Variants in PTPRG observed in about 807,000 individuals in gnomAD.
PTPRG encodes the protein receptor-type tyrosine-protein phosphatase gamma.
In PTPRG, 102 loss-of-function variants were observed where a neutral mutation model predicts 165.3. The observed-to-expected ratio is 0.62, with a 90% CI of 0.53 to 0.73. The LOEUF (loss-of-function observed/expected upper bound fraction) is 0.73. PTPRG is among the 30% of genes least tolerant of loss of function. PTPRG has a pLI of 0.00. For missense variants in PTPRG, 1,866 were observed against 1,861.4 expected (o/e 1.00, Z -0.05); for synonymous variants, 675 against 669.5 (o/e 1.01, Z -0.13).
At chr3:61,889,620 G>A (rs2038152418) in intron 2 of PTPRG, among the ~76,000 whole-genome samples, 1 of 152,164 alleles carries the variant, frequency 6.6e-6, no homozygotes, top group Non-Finnish European at 1.5e-5. Flanking sequence ...GTATGCTTGA[G>A]TCGTTAGCTC....
chr3:62,058,048 C>CTA (rs1700687713), intron 4 of PTPRG, among the ~76,000 whole-genome samples: 1 of 152,218 alleles, frequency 6.6e-6, no homozygotes. Context: ...TTGAATAAAA[C>CTA]TATAACCCCT....
chr3:61,759,801 T>G (rs1443329633), intron 2 of PTPRG, among the ~76,000 whole-genome samples: 2 of 149,342 alleles, frequency 1.3e-5, no homozygotes, highest in African/African-American at 4.9e-5. Flanking sequence ...TTCTTGAGGT[T>G]TTTTTTTTTT....
At chr3:61,756,447 A>G (rs1195977229) in intron 2 of PTPRG, among the ~76,000 whole-genome samples, 1 of 152,238 alleles carries the variant, frequency 6.6e-6, no homozygotes, top group East Asian at 1.9e-4. Flanking sequence ...CAAAGGAGAA[A>G]AATGTGTTGC....
intron 1 of PTPRG, among the ~76,000 whole-genome samples, chr3:61,636,627 G>T (rs1214948833): frequency 6.6e-6 from 1 of 152,084 alleles, no homozygotes; most frequent in Non-Finnish European, 1.5e-5. Flanking sequence ...CAGCCTTGTT[G>T]TATCAATACT....
In PTPRG at chr3:62,168,474, T is replaced by G. The variant is rs114307002; in HGVS notation, c.1033+311T>G. 4.1e-3 allele frequency among the ~76,000 whole-genome samples: 627 copies of G among 152,324 alleles called. 3 individuals are homozygous for G. Among genetic ancestry groups the G allele is most frequent in the African/African-American group, 0.013 (537 of 41,572 alleles). ...AAAAGTGTCTTACTTTTTATGTGTTTCCCTGTTGATCAGGAGCTTATCTCT... is the reference window on the plus strand; with the variant it reads ...AAAAGTGTCTTACTTTTTATGTGTTGCCCTGTTGATCAGGAGCTTATCTCT... On this transcript the variant is annotated intron_variant, in intron 8 of 29. Transcript: ENST00000474889.
intron 15 of PTPRG, among the ~76,000 whole-genome samples, chr3:62,253,893 A>C (rs1701478020): frequency 6.6e-6 from 1 of 152,234 alleles, no homozygotes; most frequent in African/African-American, 2.4e-5. Context: ...TAACATTTCT[A>C]TGCTAAGCAA....
intron 4 of PTPRG, among the ~76,000 whole-genome samples, chr3:62,047,468 G>T (rs900216798): frequency 2.6e-5 from 4 of 152,004 alleles, no homozygotes; most frequent in Non-Finnish European, 2.9e-5. Context: ...CGCCATGTTG[G>T]CCAGGTTAGT....
chr3:62,196,524 C>A (rs116036880), intron 10 of PTPRG, among the ~76,000 whole-genome samples: 1 of 152,110 alleles, frequency 6.6e-6, no homozygotes, highest in Non-Finnish European at 1.5e-5. Flanking sequence ...GTCTTACTTG[C>A]GCCAACCTAA....
At chr3:61,764,565 T>C (rs1196807736) in intron 2 of PTPRG, among the ~76,000 whole-genome samples, 4 of 152,180 alleles carry the variant, frequency 2.6e-5, no homozygotes, top group Non-Finnish European at 4.4e-5. Flanking sequence ...GTTGTTATTT[T>C]AGCCTGGGAA....
intron 1 of PTPRG, among the ~76,000 whole-genome samples, chr3:61,647,513 G>C (rs189965585): frequency 6.6e-6 from 1 of 152,120 alleles, no homozygotes; most frequent in Non-Finnish European, 1.5e-5. Flanking sequence ...TCAATTGGCC[G>C]GGCACAGTGG....
chr3:62,075,279 C>T (rs377021868), intron 4 of PTPRG, among the ~76,000 whole-genome samples: 3 of 152,306 alleles, frequency 2.0e-5, no homozygotes, highest in African/African-American at 7.2e-5. Flanking sequence ...TTCTGTGAAC[C>T]TACTTAATTT....
chr3:62,136,269 G>A (rs938730779), intron 6 of PTPRG, among the ~76,000 whole-genome samples: 3 of 152,200 alleles, frequency 2.0e-5, no homozygotes, highest in Non-Finnish European at 4.4e-5. Context: ...GCTTGGTAGA[G>A]ATGTACAATT....
chr3:61,789,649 G>C (rs1480759053), intron 2 of PTPRG, among the ~76,000 whole-genome samples: 1 of 152,148 alleles, frequency 6.6e-6, no homozygotes, highest in East Asian at 1.9e-4. Context: ...TTCTTTCCAT[G>C]ACCTGATATA....
In PTPRG at chr3:62,224,694, T is replaced by TC. The variant is rs1700722501; in HGVS notation, c.2288+5712dup. ...AAACTAAAAACCATGAGCAGAAACC[T>TC]CGGATACCTGTATGTCTGAGAGACC... On this transcript the variant is annotated intron_variant, in intron 13 of 29. Coordinates refer to ENST00000474889, the MANE Select transcript of PTPRG (RefSeq NM_002841.4). The surrounding 1 kb of genome is among the most constrained non-coding windows in gnomAD (Gnocchi z 4.9). Among the ~76,000 whole-genome samples the TC allele has an allele frequency of 6.6e-6, 1 of 152,186 alleles. No homozygotes were observed. The highest frequency in any genetic ancestry group is 2.4e-5 in the African/African-American group (1 of 41,452).
intron 2 of PTPRG, among the ~76,000 whole-genome samples, chr3:61,870,793 T>C (rs1273582099): frequency 6.6e-6 from 1 of 152,048 alleles, no homozygotes; most frequent in Non-Finnish European, 1.5e-5. Context: ...TTGAATAAAA[T>C]AGAGGCATTC....
chr3:61,732,703 C>T (rs2032555747), intron 1 of PTPRG, among the ~76,000 whole-genome samples: 2 of 146,130 alleles, frequency 1.4e-5, no homozygotes, highest in Admixed American at 7.0e-5. Flanking sequence ...AGCGAGACTC[C>T]GTCTCAAAAT....
chr3:61,694,631 G>A (rs1182935228), intron 1 of PTPRG, among the ~76,000 whole-genome samples: 1 of 152,116 alleles, frequency 6.6e-6, no homozygotes, highest in Admixed American at 6.5e-5. Context: ...GCAACGATTG[G>A]AATAGCATGA....
intron 1 of PTPRG, among the ~76,000 whole-genome samples, chr3:61,568,414 C>CT (rs35907064): frequency 0.02 from 3,031 of 152,232 alleles, 109 homozygotes; most frequent in African/African-American, 0.067. Context: ...TGCAAGATTG[C>CT]TTTAAGTAGC....
chr3:61,774,745 T>C (rs985467784), intron 2 of PTPRG, among the ~76,000 whole-genome samples: 1 of 152,222 alleles, frequency 6.6e-6, no homozygotes, highest in East Asian at 1.9e-4. Flanking sequence ...GATGCTTGCC[T>C]ACCGGTGTCT....
Sources: gnomAD v4.1 joint callset for allele counts (sites outside exome capture counted in the v4.1 genomes callset) on GRCh38, gnomAD v4.1.1 for gene constraint, Gnocchi (gnomAD v3.1) non-coding constraint, MANE v1.5 for transcripts, NCBI Gene and HGNC (gene_info 2026-07-23, HGNC 2026-07-21) for gene names.